Variants in PGBD2 observed in about 807,000 individuals in gnomAD.
PGBD2 encodes the protein piggyBac transposable element derived 2.
PGBD2 carries 6 observed loss-of-function variants against 8.1 expected under a neutral mutation model. The observed-to-expected ratio is 0.74, with a 90% confidence interval of 0.40 to 1.46. PGBD2 has a LOEUF of 1.46. Among genes scored for constraint, PGBD2 ranks in the 40% most tolerant of loss-of-function variants. The pLI is 0.02. For synonymous variants in PGBD2, 318 were observed against 272.2 expected (o/e 1.17, Z -1.66); for missense variants, 802 against 739.0 (o/e 1.09, Z -0.99).
At chr1:248,874,236 C>G in the PGBD2 span, among the ~76,000 whole-genome samples, 7 of 152,146 alleles carry the variant, frequency 4.6e-5, no homozygotes, top group African/African-American at 1.4e-4. Context: ...TGCTAAATGA[C>G]GCATCATGTC....
At chr1:248,897,964 G>A in the PGBD2 span, among the ~76,000 whole-genome samples, 1 of 152,222 alleles carries the variant, frequency 6.6e-6, no homozygotes, top group East Asian at 1.9e-4. Context: ...AGCTACGGCA[G>A]GTTGTGGCCA....
At chr1:248,899,881 A>G in the PGBD2 span, among the ~76,000 whole-genome samples, 1 of 151,902 alleles carries the variant, frequency 6.6e-6, no homozygotes, top group African/African-American at 2.4e-5. Context: ...ATATAATTAG[A>G]AACAATAAAG....
intron 2 of PGBD2, 110 bp downstream of exon 2, chr1:248,913,989 G>A: frequency 1.1e-6 from 1 of 918,970 alleles, no homozygotes; most frequent in Non-Finnish European, 1.8e-6. Flanking sequence ...AACAGTTGGT[G>A]TCCAGGAAGT....
chr1:248,915,602 T>A (rs1662071400), intron 2 of PGBD2, among the ~76,000 whole-genome samples: 1 of 152,234 alleles, frequency 6.6e-6, no homozygotes, highest in African/African-American at 2.4e-5. Context: ...TATTGGGATG[T>A]AACCTGATTG....
At chr1:248,886,191 T>A in the PGBD2 span, among the ~76,000 whole-genome samples, 1 of 152,152 alleles carries the variant, frequency 6.6e-6, no homozygotes, top group South Asian at 2.1e-4. Context: ...ACATGCTAGG[T>A]TTTTTTCAGG....
At position 248,917,690 on chromosome 1, in the gene PGBD2, A is replaced by T. The variant is rs1356103018; in HGVS notation, c.1106A>T (p.Lys369Ile). 6.2e-7 allele frequency: 1 copy of T among 1,614,100 alleles called. No individual in the cohort carries two copies. Among genetic ancestry groups the T allele is most frequent in the Non-Finnish European group, 8.5e-7 (1 of 1,180,050 alleles). The change falls in exon 3 of 3, where the codon AAA (lysine) becomes ATA (isoleucine). Residue 369 changes from lysine (K) to isoleucine (I), a missense_variant. Physicochemically the swap from Lys to Ile is moderately radical, Grantham distance 102. Coordinates refer to ENST00000329291, the MANE Select transcript of PGBD2 (RefSeq NM_170725.3). ...LMSILRKKGV[K>I]ATGTVREYRT... ...TCCATTTTGAGGAAAAAGGGGGTGAAAGCCACAGGAACTGTTCGTGAGTAC... is the reference window on the plus strand; with the variant it reads ...TCCATTTTGAGGAAAAAGGGGGTGATAGCCACAGGAACTGTTCGTGAGTAC...
the PGBD2 span, among the ~76,000 whole-genome samples, chr1:248,926,213 T>C: frequency 6.6e-6 from 1 of 152,176 alleles, no homozygotes; most frequent in African/African-American, 2.4e-5. Flanking sequence ...CGGTCATCAC[T>C]TGATGCCACT....
At chr1:248,907,023 G>C (rs1344345568) in intron 1 of PGBD2, among the ~76,000 whole-genome samples, 1 of 152,088 alleles carries the variant, frequency 6.6e-6, no homozygotes, top group Non-Finnish European at 1.5e-5. Context: ...ACCACAGTGG[G>C]CCCAGGGGAC....
At chr1:248,919,873 T>G (rs1662248957), downstream of PGBD2, 1 of 160,764 alleles carries the variant, frequency 6.2e-6, no homozygotes, top group South Asian at 2.1e-4. Flanking sequence ...TGTTTGCCAT[T>G]TGTACCTTTT....
At chr1:248,924,797 A>G (rs1662351502), downstream of PGBD2, among the ~76,000 whole-genome samples, 1 of 152,202 alleles carries the variant, frequency 6.6e-6, no homozygotes, top group Non-Finnish European at 1.5e-5. Flanking sequence ...AGGTTTTCTT[A>G]CTTGCTGCCA....
downstream of PGBD2, among the ~76,000 whole-genome samples, chr1:248,922,751 G>T (rs1662313097): frequency 1.3e-5 from 2 of 152,174 alleles, no homozygotes; most frequent in African/African-American, 4.8e-5. Context: ...TTATGTGGTG[G>T]ATTACGTTTA....
At chr1:248,877,512 A>T in the PGBD2 span, among the ~76,000 whole-genome samples, 1 of 152,310 alleles carries the variant, frequency 6.6e-6, no homozygotes, top group East Asian at 1.9e-4. Context: ...CCAATGCCGT[A>T]CAGAAGCTTA....
At chr1:248,921,651 G>GT (rs1176607315), downstream of PGBD2, among the ~76,000 whole-genome samples, 6 of 152,144 alleles carry the variant, frequency 3.9e-5, no homozygotes, top group African/African-American at 1.4e-4. Context: ...ATTTAAAGTA[G>GT]TTTTTTACAA....
chr1:248,923,326 C>T (rs1191243907), downstream of PGBD2, among the ~76,000 whole-genome samples: 4 of 152,090 alleles, frequency 2.6e-5, no homozygotes, highest in East Asian at 7.7e-4. Flanking sequence ...TTTCTTATTG[C>T]GTCTATTTGG....
intron 1 of PGBD2, 59 bp from the exon 2 acceptor site, chr1:248,913,757 C>T: frequency 1.2e-6 from 1 of 862,778 alleles, no homozygotes; most frequent in Non-Finnish European, 2.0e-6. Flanking sequence ...AGAAAAGATC[C>T]TGTTGCCTTG....
chr1:248,914,930 T>C (rs112067820), intron 2 of PGBD2, among the ~76,000 whole-genome samples: 1,724 of 152,262 alleles, frequency 0.011, 38 homozygotes, highest in African/African-American at 0.04. Context: ...TTGAATCCCT[T>C]CAGTGTCAGG....
the PGBD2 span, among the ~76,000 whole-genome samples, chr1:248,928,282 A>G: frequency 5.3e-5 from 8 of 152,198 alleles, no homozygotes; most frequent in Admixed American, 5.2e-4. Context: ...CTCCAGACTT[A>G]TCTTGCACAC....
chr1:248,897,507 G>C, the PGBD2 span, among the ~76,000 whole-genome samples: 1 of 152,234 alleles, frequency 6.6e-6, no homozygotes, highest in African/African-American at 2.4e-5. Flanking sequence ...GCACTGGGGA[G>C]CAAGCATTTC....
chr1:248,888,748 C>T, the PGBD2 span, among the ~76,000 whole-genome samples: 1 of 152,030 alleles, frequency 6.6e-6, no homozygotes, highest in Non-Finnish European at 1.5e-5. Flanking sequence ...TTTAATTAGG[C>T]CCAACTTGTC....
Sources: gnomAD v4.1 joint callset for allele counts (sites outside exome capture counted in the v4.1 genomes callset) on GRCh38, gnomAD v4.1.1 for gene constraint, MANE v1.5 for transcripts, NCBI Gene and HGNC (gene_info 2026-07-23, HGNC 2026-07-21) for gene names.